ACADVL: variants seen among roughly 807,000 people sequenced by gnomAD.
The protein encoded by ACADVL is acyl-CoA dehydrogenase very long chain, also known as very long-chain acyl-CoA dehydrogenase, mitochondrial.
ACADVL carries 73 observed loss-of-function variants against 80.4 expected under a neutral mutation model. That is an observed-to-expected ratio of 0.91 (90% CI 0.75 to 1.10). The LOEUF (loss-of-function observed/expected upper bound fraction) is 1.10, where lower values mean the gene tolerates loss of function less well. ACADVL is among the 50% of genes least tolerant of loss of function. The probability of loss-of-function intolerance (pLI) is 0.00; values close to 1 mark genes in which losing one functional copy is unlikely to be tolerated. For missense variants in ACADVL, 878 were observed against 858.9 expected (o/e 1.02, Z -0.28); for synonymous variants, 392 against 326.5 (o/e 1.20, Z -2.16).
intron 2 of ACADVL, 115 bp downstream of exon 2, chr17:7,220,312 A>G (rs2071133136): frequency 1.3e-6 from 2 of 1,507,484 alleles, no homozygotes; most frequent in African/African-American, 1.4e-5. Context: ...TCAGTCGCCG[A>G]AAGTAGGGGA....
intron 9 of ACADVL, 172 bp from the exon 10 acceptor site, chr17:7,222,495 G>T: frequency 8.8e-7 from 1 of 1,141,792 alleles, no homozygotes; most frequent in Non-Finnish European, 1.2e-6. Flanking sequence ...CACAAAATAG[G>T]ACATAGCCAG....
At position 7,223,960 on chromosome 17, in the gene ACADVL, T is replaced by C; in HGVS notation, c.1333-8T>C. On this transcript the variant is annotated splice_region_variant and splice_polypyrimidine_tract_variant and intron_variant, in intron 13 of 19. Coordinates refer to ENST00000356839, the MANE Select transcript of ACADVL (RefSeq NM_000018.4). The stretch of plus-strand genomic sequence containing the variant: ...CACGGGCATATAATTTGTGTGGCCC[T>C]GTGCTAGGAACCTGGAGTAGAGCGT... 1 of 1,613,996 alleles carries C rather than the reference T, an allele frequency of 6.2e-7. No homozygotes were observed. Among genetic ancestry groups the C allele is most frequent in the African/African-American group, 1.3e-5 (1 of 75,030 alleles).
chr17:7,221,959 T>C lies in ACADVL; in HGVS notation c.630T>C (p.Thr210=), dbSNP rs1192563870. 2 of 1,614,066 alleles carry C rather than the reference T, an allele frequency of 1.2e-6. No individual in the cohort carries two copies. The highest frequency in any genetic ancestry group is 2.7e-5 in the African/African-American group (2 of 75,004). The change falls in exon 8 of 20, where the codon ACT becomes ACC. Residue 210 remains threonine, a synonymous_variant. Transcript: ENST00000356839. ...TAGCTCTCTCCCCAACAGGGGAGAC[T>C]GTGGCCGCTTTCTGTCTAACCGAGC... ...KYLPKLASGE[T]VAAFCLTEPS...
At chr17:7,217,791 C>T (rs2071001420), upstream of ACADVL, 7 of 1,535,162 alleles carry the variant, frequency 4.6e-6, no homozygotes, top group South Asian at 4.8e-5. Context: ...CCTGGCCAGC[C>T]ACCAGCGATG....
chr17:7,222,771 G>A lies in ACADVL; in HGVS notation c.983G>A (p.Ser328Asn). The change falls in exon 10 of 20, where the codon AGT becomes AAT. Residue 328 changes from serine (S) to asparagine (N), a missense_variant. Coordinates refer to ENST00000356839, the MANE Select transcript of ACADVL (RefSeq NM_000018.4). ...PSENVLGEVGSGFKVAMHILN... is the reference protein window; with the variant it reads ...PSENVLGEVGNGFKVAMHILN... Reference sequence around the variant, plus strand: ...GAGAACGTGCTGGGTGAGGTTGGGAGTGGCTTCAAGGTTGCCATGCACATC... The same window carrying A: ...GAGAACGTGCTGGGTGAGGTTGGGAATGGCTTCAAGGTTGCCATGCACATC... 6.2e-7 allele frequency: 1 copy of A among 1,614,160 alleles called. No homozygotes were observed. The highest frequency in any genetic ancestry group is 1.1e-5 in the South Asian group (1 of 91,080).
At position 7,222,583 on chromosome 17, in the gene ACADVL, G is replaced by C; in HGVS notation, c.879-84G>C. ...GTCTAGTGGTCGTCATTCCTCCCTG[G>C]TGCATAAGGAGCGAAGGAGCAGTTT... On this transcript the variant is annotated intron_variant, in intron 9 of 19. Coordinates refer to ENST00000356839, the MANE Select transcript of ACADVL (RefSeq NM_000018.4). 14 of 1,391,142 alleles carry C rather than the reference G, an allele frequency of 1.0e-5. No homozygotes were observed. In the South Asian group the frequency reaches 1.6e-4, roughly 16 times the overall value. 86.2% of individuals were successfully genotyped at this position (1,391,142 alleles called of 1,614,324 possible). A position where few individuals can be genotyped will look rare whatever the true frequency, so the allele number is the denominator to read the frequency against.
Position 7,224,902 on chromosome 17 carries a change from C to T in ACADVL, c.1827+18C>T. 6.2e-7 allele frequency: 1 copy of T among 1,614,048 alleles called. No individual in the cohort carries two copies. ...GTATCGAGGTGAGACTCGGGGCTGC[C>T]AAGCTCAGGTGAGGGCTGGAGGTGC... On this transcript the variant is annotated intron_variant, in intron 19 of 19. Coordinates refer to ENST00000356839, the MANE Select transcript of ACADVL (RefSeq NM_000018.4).
upstream of ACADVL, chr17:7,218,715 C>A: frequency 6.5e-7 from 1 of 1,550,312 alleles, no homozygotes; most frequent in African/African-American, 1.4e-5. Flanking sequence ...CTTCATCTCC[C>A]CAGACTGTGC....
chr17:7,222,099 T>A lies in ACADVL; in HGVS notation c.752+18T>A, dbSNP rs928947852. On this transcript the variant is annotated intron_variant, in intron 8 of 19. Transcript: ENST00000356839. ...TGGATCAGGCAACCTGCCTCCCATT[T>A]CTCCCCTTCTCCTCCGCCCAATTCC... 1 of 1,613,990 alleles carries A rather than the reference T, an allele frequency of 6.2e-7. No individual in the cohort carries two copies. Among genetic ancestry groups the A allele is most frequent in the Non-Finnish European group, 8.5e-7 (1 of 1,179,984 alleles).
Position 7,220,624 on chromosome 17 carries a change from G to A in ACADVL, c.225G>A (p.Val75=). 6.2e-7 allele frequency: 1 copy of A among 1,614,192 alleles called. No homozygotes were observed. Among genetic ancestry groups the A allele is most frequent in the South Asian group, 1.1e-5 (1 of 91,078 alleles). Residue 75 remains valine (V), a synonymous_variant, in exon 4 of 20, where the codon GTG becomes GTA. Coordinates refer to ENST00000356839, the MANE Select transcript of ACADVL (RefSeq NM_000018.4). ...CCCAGGAATCTAAGTCCTTTGCTGT[G>A]GGAATGTTCAAAGGCCAGCTCACCA... is the stretch of plus-strand genomic sequence containing the variant. ...PAKAESKSFA[V]GMFKGQLTTD...
rs751665756 is a variant in ACADVL, at chr17:7,224,576, G to A, written c.1678+24G>A. The stretch of plus-strand genomic sequence containing the variant: ...CAGTAAGTGAGCTCTACACCATTCC[G>A]CCCCTCCCTTTCCTCTCCTTGAGAC... On this transcript the variant is annotated intron_variant, in intron 17 of 19. Transcript: ENST00000356839. 21 of 1,607,764 alleles carry A rather than the reference G, an allele frequency of 1.3e-5. No homozygotes were observed. The highest frequency in any genetic ancestry group is 1.1e-4 in the East Asian group (5 of 44,880).
In ACADVL at chr17:7,225,063, G is replaced by T; in HGVS notation, c.1934G>T (p.Gly645Val). 1 of 1,614,100 alleles carries T rather than the reference G, an allele frequency of 6.2e-7. No homozygotes were observed. The highest frequency in any genetic ancestry group is 8.5e-7 in the Non-Finnish European group (1 of 1,180,034). Residue 645 changes from glycine (G) to valine (V), a missense_variant, in exon 20 of 20, where the codon GGT becomes GTT. Coordinates refer to ENST00000356839, the MANE Select transcript of ACADVL (RefSeq NM_000018.4). Reference sequence around the variant, plus strand: ...ATCTCCAAGGCCTTGGTGGAGCGGGGTGGTGTGGTCACCAGCAACCCACTT... The same window carrying T: ...ATCTCCAAGGCCTTGGTGGAGCGGGTTGGTGTGGTCACCAGCAACCCACTT... The part of the protein sequence containing the change: ...KSISKALVER[G>V]GVVTSNPLGF
In ACADVL at chr17:7,220,944, G is replaced by T; in HGVS notation, c.363G>T (p.Lys121Asn). Residue 121 changes from lysine to asparagine, a missense_variant, in exon 6 of 20, where the codon AAG (lysine) becomes AAT (asparagine). Lys to Asn is a moderately conservative substitution (Grantham distance 94). Coordinates refer to ENST00000356839, the MANE Select transcript of ACADVL (RefSeq NM_000018.4). ...CCCAGGAAGTGAACGATCCCGCCAA[G>T]AATGACGCTCTGGAGATGGTGGAGG... is the stretch of plus-strand genomic sequence containing the variant. Reference protein sequence around the residue: ...RFFEEVNDPAKNDALEMVEET... With the variant: ...RFFEEVNDPANNDALEMVEET... 1 of 1,614,134 alleles carries T rather than the reference G, an allele frequency of 6.2e-7. No homozygotes were observed. The highest frequency in any genetic ancestry group is 8.5e-7 in the Non-Finnish European group (1 of 1,180,046).
At chr17:7,218,574 C>G, upstream of ACADVL, 2 of 1,565,856 alleles carry the variant, frequency 1.3e-6, no homozygotes, top group Non-Finnish European at 1.7e-6. Flanking sequence ...CTATGCAGCA[C>G]TGTGAGGAGT....
In ACADVL at chr17:7,222,861, A is replaced by C. The variant is rs2071297739; in HGVS notation, c.1073A>C (p.Lys358Thr). ...GGTACCATGAGAGGCATCATTGCTA[A>C]GGCGGTGAGTACCCTGCCCGAGTCC... The part of the protein sequence containing the change: ...LAGTMRGIIA[K>T]AVDHATNRTQ... Residue 358 changes from lysine to threonine, a missense_variant, in exon 10 of 20, where the codon AAG becomes ACG. Physicochemically the swap from Lys to Thr is moderately conservative, Grantham distance 78. Transcript: ENST00000356839. The C allele has an allele frequency of 1.2e-6, 2 of 1,611,384 alleles. No individual in the cohort carries two copies. The highest frequency in any genetic ancestry group is 1.3e-5 in the African/African-American group (1 of 74,828).
At chr17:7,218,439 G>A (rs1317768983), upstream of ACADVL, 4 of 1,392,696 alleles carry the variant, frequency 2.9e-6, no homozygotes, top group South Asian at 1.2e-5. Context: ...ACCCTGCATG[G>A]TGCTCCAGCT....
upstream of ACADVL, chr17:7,218,430 C>T: frequency 2.2e-6 from 3 of 1,383,612 alleles, no homozygotes; most frequent in Non-Finnish European, 3.0e-6. Flanking sequence ...ATAGGCAGGA[C>T]CCTGCATGGT....
upstream of ACADVL, chr17:7,219,711 C>T: frequency 9.2e-6 from 13 of 1,406,638 alleles, no homozygotes; most frequent in Non-Finnish European, 1.1e-5. Flanking sequence ...CCATCCTATC[C>T]CATCACCCCG....
At chr17:7,219,535 A>C, upstream of ACADVL, 1 of 1,073,396 alleles carries the variant, frequency 9.3e-7, no homozygotes, top group African/African-American at 1.7e-5. Context: ...GCCGAGATAG[A>C]TTTCATCAGG....
Sources: gnomAD v4.1 joint callset for allele counts on GRCh38, gnomAD v4.1.1 for gene constraint, MANE v1.5 for transcripts, NCBI Gene and HGNC (gene_info 2026-07-23, HGNC 2026-07-21) for gene names.